Variants in ZNF239 observed in about 807,000 individuals in gnomAD.
ZNF239 encodes the protein zinc finger protein 239, also known as zinc finger protein (C2H2) homologous to mouse MOK-2.
In ZNF239, 16 loss-of-function variants were observed where a neutral mutation model predicts 27.5. That is an observed-to-expected ratio of 0.58 (90% confidence interval 0.39 to 0.88). ZNF239 has a LOEUF of 0.88. ZNF239 is among the 40% of genes least tolerant of loss of function. The probability of loss-of-function intolerance (pLI) is 0.00; values close to 1 mark genes in which losing one functional copy is unlikely to be tolerated. For missense variants in ZNF239, 527 were observed against 551.9 expected (o/e 0.95, Z 0.45); for synonymous variants, 199 against 192.6 (o/e 1.03, Z -0.27).
intron 3 of ZNF239, among the ~76,000 whole-genome samples, chr10:43,562,626 A>T (rs1837334837): frequency 6.6e-6 from 1 of 152,230 alleles, no homozygotes; most frequent in Non-Finnish European, 1.5e-5. Flanking sequence ...ACAGCTAGAA[A>T]GGTGAAAACT....
At chr10:43,558,196 G>A (rs1836949251) in intron 3 of ZNF239, 25 bp from the exon 4 acceptor site, 1 of 1,459,966 alleles carries the variant, frequency 6.8e-7, no homozygotes, top group Non-Finnish European at 9.0e-7. Flanking sequence ...CAATTCAGTG[G>A]TAAGAACAAA....
At position 43,558,057 on chromosome 10, in the gene ZNF239, C is replaced by A. The variant is rs1475111614; in HGVS notation, c.23G>T (p.Ser8Ile). ...TCGATGATTCACAATACAATCCTGA[C>A]TTCCAGTAATTGTACTGGCCATGCC... MASTITG[S>I]QDCIVNHRGE... The change falls in exon 4 of 4, where the codon AGT becomes ATT. Residue 8 changes from serine to isoleucine, a missense_variant. Physicochemically the swap from Ser to Ile is moderately radical, Grantham distance 142. Coordinates refer to ENST00000374446, the MANE Select transcript of ZNF239 (RefSeq NM_001099282.2). 6.2e-7 allele frequency: 1 copy of A among 1,613,788 alleles called. No individual in the cohort carries two copies. The highest frequency in any genetic ancestry group is 8.5e-7 in the Non-Finnish European group (1 of 1,179,832).
chr10:43,567,318 A>T (rs1314799851), intron 3 of ZNF239, among the ~76,000 whole-genome samples: 1 of 151,972 alleles, frequency 6.6e-6, no homozygotes, highest in Non-Finnish European at 1.5e-5. Context: ...TGAAAAATAA[A>T]GTCCAAGCAA....
intron 3 of ZNF239, among the ~76,000 whole-genome samples, chr10:43,565,281 G>A (rs1837551698): frequency 6.6e-6 from 1 of 151,862 alleles, no homozygotes; most frequent in Admixed American, 6.6e-5. Flanking sequence ...ACAGGATTTT[G>A]CCATGTTGGC....
rs544229991 is a variant in ZNF239, at chr10:43,572,429, G to C, written c.-216+1208C>G. 3.3e-5 allele frequency among the ~76,000 whole-genome samples: 5 copies of C among 152,260 alleles called. No homozygotes were observed. The South Asian group carries it at 8.3e-4, about 25-fold the overall frequency. On this transcript the variant is annotated intron_variant, in intron 2 of 3. Coordinates refer to ENST00000374446, the MANE Select transcript of ZNF239 (RefSeq NM_001099282.2). ...TGTGTGTGAGGGCTGTATTTGCCAA[G>C]CAAAAAGATGGCCTTTGCTGGTAGT... is the stretch of plus-strand genomic sequence containing the variant.
At chr10:43,565,841 A>G (rs975176236) in intron 3 of ZNF239, among the ~76,000 whole-genome samples, 3 of 150,128 alleles carry the variant, frequency 2.0e-5, no homozygotes, top group Non-Finnish European at 4.5e-5. Context: ...AAAAAAAAAA[A>G]AAAAGAAAAA....
chr10:43,559,599 G>A (rs1564457188), intron 3 of ZNF239, among the ~76,000 whole-genome samples: 1 of 152,138 alleles, frequency 6.6e-6, no homozygotes, highest in Non-Finnish European at 1.5e-5. Context: ...TAAGCTGTGA[G>A]ATATATATAG....
chr10:43,557,214 T>C lies in ZNF239; in HGVS notation c.866A>G (p.Lys289Arg), dbSNP rs372635762. ...CCCACACTTGTCACATTTATAAGGT[T>C]TTTCGCCTGTATGGACGGCATGATG... is the stretch of plus-strand genomic sequence containing the variant. ...LIHHAVHTGE[K>R]PYKCDKCGKG... Residue 289 changes from lysine to arginine, a missense_variant, in exon 4 of 4, where the codon AAA (lysine) becomes AGA (arginine). Physicochemically the swap from Lys to Arg is conservative, Grantham distance 26. Coordinates refer to ENST00000374446, the MANE Select transcript of ZNF239 (RefSeq NM_001099282.2). The C allele has an allele frequency of 6.2e-7, 1 of 1,613,710 alleles. No individual in the cohort carries two copies. The highest frequency in any genetic ancestry group is 1.3e-5 in the African/African-American group (1 of 74,782).
chr10:43,564,924 A>G (rs1837526665), intron 3 of ZNF239, among the ~76,000 whole-genome samples: 1 of 152,182 alleles, frequency 6.6e-6, no homozygotes, highest in South Asian at 2.1e-4. Context: ...AGGGAACTTA[A>G]AAAGGAAAAT....
In ZNF239 at chr10:43,557,201, A is replaced by T; in HGVS notation, c.879T>A (p.Cys293Ter). ...AVHTGEKPYK[C>*]DKCGKGFSQS... ...GACTAAAGCCCTTCCCACACTTGTC[A>T]CATTTATAAGGTTTTTCGCCTGTAT... is the stretch of plus-strand genomic sequence containing the variant. Residue 293 changes from cysteine (C) to a stop codon, truncating the protein, a stop_gained, in exon 4 of 4, where the codon TGT (cysteine) becomes TGA (stop). Transcript: ENST00000374446. LOFTEE classifies it high-confidence loss of function. 6.2e-7 allele frequency: 1 copy of T among 1,613,708 alleles called. No individual in the cohort carries two copies. Among genetic ancestry groups the T allele is most frequent in the Non-Finnish European group, 8.5e-7 (1 of 1,179,900 alleles).
At chr10:43,568,533 T>G in intron 2 of ZNF239, 2 of 887,018 alleles carry the variant, frequency 2.3e-6, no homozygotes, top group Non-Finnish European at 2.7e-6. Flanking sequence ...TCACTTCCTA[T>G]GCTTTCTGTT....
rs533759404 is a variant in ZNF239, at chr10:43,566,678, T to A, written c.-93+1221A>T. ...TAGTAGGTATACATTCATTTCCCCA[T>A]CTAATTTAAGTTCTTCATGAACATA... On this transcript the variant is annotated intron_variant, in intron 3 of 3. Coordinates refer to ENST00000374446, the MANE Select transcript of ZNF239 (RefSeq NM_001099282.2). 7.2e-5 allele frequency among the ~76,000 whole-genome samples: 11 copies of A among 152,298 alleles called. 1 individual carries two copies. The highest frequency in any genetic ancestry group is 2.2e-4 in the African/African-American group (9 of 41,568).
intron 3 of ZNF239, among the ~76,000 whole-genome samples, chr10:43,563,625 T>C (rs768640327): frequency 6.6e-6 from 1 of 152,214 alleles, no homozygotes; most frequent in African/African-American, 2.4e-5. Flanking sequence ...ACAAGTATGT[T>C]CCATTTTATG....
chr10:43,564,944 C>T (rs1564463200), intron 3 of ZNF239, among the ~76,000 whole-genome samples: 1 of 152,082 alleles, frequency 6.6e-6, no homozygotes, highest in Admixed American at 6.5e-5. Context: ...TAATTTTAGG[C>T]TTATCAAAAT....
intron 3 of ZNF239, among the ~76,000 whole-genome samples, chr10:43,560,119 C>T (rs1837116094): frequency 6.6e-6 from 1 of 152,246 alleles, no homozygotes. Flanking sequence ...TCCCAGCCCA[C>T]CCTCTTCCTC....
At chr10:43,568,160 C>A (rs1042432583) in intron 2 of ZNF239, 139 bp from the exon 3 acceptor site, 10 of 985,366 alleles carry the variant, frequency 1.0e-5, no homozygotes, top group African/African-American at 1.7e-5. Context: ...GTGAGCTAAG[C>A]CAAGTTTTGT....
intron 2 of ZNF239, among the ~76,000 whole-genome samples, chr10:43,571,633 A>G (rs760736269): frequency 3.4e-4 from 51 of 152,074 alleles, no homozygotes; most frequent in Non-Finnish European, 7.4e-5. Context: ...ATCTCAGCTC[A>G]CTACAACCTC....
intron 3 of ZNF239, among the ~76,000 whole-genome samples, chr10:43,567,448 G>C (rs1407176734): frequency 6.6e-6 from 1 of 152,186 alleles, no homozygotes; most frequent in African/African-American, 2.4e-5. Context: ...TAAGTGAATA[G>C]ATCAGGTAAA....
chr10:43,567,101 A>AAAAC (rs143700865), intron 3 of ZNF239, among the ~76,000 whole-genome samples: 26 of 151,188 alleles, frequency 1.7e-4, no homozygotes, highest in Non-Finnish European at 2.2e-4. Context: ...ACTCCGTCTC[A>AAAAC]AAACAAACAA....
Sources: allele counts gnomAD v4.1 joint callset (sites outside exome capture counted in the v4.1 genomes callset), GRCh38; gene constraint gnomAD v4.1.1; transcripts MANE v1.5; gene names NCBI Gene and HGNC (gene_info 2026-07-23, HGNC 2026-07-21).